The following MSN variants were observed in gnomAD, a reference collection of about 807,000 sequenced individuals.
MSN encodes moesin.
Under a neutral mutation model 48.0 loss-of-function variants are expected in MSN, and 2 were observed. The observed-to-expected ratio is 0.04, with a 90% CI of 0.02 to 0.13. MSN has a LOEUF of 0.13. MSN is among the 10% of genes least tolerant of loss of function. MSN has a pLI of 1.00. For missense variants in MSN, 267 were observed against 470.1 expected, an observed-to-expected ratio of 0.57 and a Z score of 3.99; for synonymous variants, 146 against 166.9, an observed-to-expected ratio of 0.87 and a Z score of 0.97.
intron 1 of MSN, among the ~76,000 whole-genome samples, chrX:65,692,683 T>C (rs1188188907): frequency 8.9e-6 from 1 of 111,824 alleles, no homozygotes; most frequent in East Asian, 2.8e-4. Context: ...TTTTTGTTTG[T>C]TTTGTTTTGT....
chrX:65,624,578 T>C (rs1413344585), intron 1 of MSN: 2 of 107,467 alleles, frequency 1.9e-5, no homozygotes, highest in Non-Finnish European at 3.8e-5. Context: ...GGTTTTTTTT[T>C]TTTTTCCTCA....
At chrX:65,685,587 AGTTTTTGTTTTT>A (rs1043136917) in intron 1 of MSN, among the ~76,000 whole-genome samples, 30 of 111,348 alleles carry the variant, frequency 2.7e-4, no homozygotes, top group Admixed American at 1.9e-4. Flanking sequence ...GCATCACTGA[AGTTTTTGTTTTT>A]GTTTTTGTTT....
chrX:65,614,895 C>T (rs1463678156), intron 1 of MSN, among the ~76,000 whole-genome samples: 2 of 78,524 alleles, frequency 2.5e-5, no homozygotes, highest in African/African-American at 9.6e-5. Flanking sequence ...TGATATTCCC[C>T]TTCCTGTGTC....
At chrX:65,620,868 C>CTTT (rs964757298) in intron 1 of MSN, among the ~76,000 whole-genome samples, 1 of 97,151 alleles carries the variant, frequency 1.0e-5, no homozygotes. Context: ...AAGATTTTCA[C>CTTT]TTTTTTTTTT....
intron 1 of MSN, among the ~76,000 whole-genome samples, chrX:65,660,599 G>A (rs867215257): frequency 1.0e-5 from 1 of 97,528 alleles, no homozygotes; most frequent in Admixed American, 1.2e-4. Context: ...ATGGAGTCTC[G>A]CTCTGTTGCC....
chrX:65,646,882 G>A (rs2070698318), intron 1 of MSN, among the ~76,000 whole-genome samples: 1 of 111,238 alleles, frequency 9.0e-6, no homozygotes, highest in Non-Finnish European at 1.9e-5. Flanking sequence ...GGGGAGCGGA[G>A]GTTGTGGTGA....
intron 1 of MSN, among the ~76,000 whole-genome samples, chrX:65,624,238 C>A (rs1267030302): frequency 9.2e-6 from 1 of 109,081 alleles, no homozygotes; most frequent in African/African-American, 3.4e-5. Flanking sequence ...ACCACCACAC[C>A]CGGCTAATTT....
intron 1 of MSN, among the ~76,000 whole-genome samples, chrX:65,611,865 C>T (rs73522155): frequency 0.067 from 7,527 of 111,581 alleles, 680 homozygotes; most frequent in African/African-American, 0.24. Context: ...TCTATATCCT[C>T]ACCAATACTC....
At chrX:65,610,846 C>T (rs757794143) in intron 1 of MSN, among the ~76,000 whole-genome samples, 3 of 112,116 alleles carry the variant, frequency 2.7e-5, no homozygotes, top group Non-Finnish European at 5.6e-5. Flanking sequence ...CACTGCACTC[C>T]AGTGTGGGTG....
At chrX:65,730,940 T>C (rs1251847344) in intron 4 of MSN, among the ~76,000 whole-genome samples, 167 bp from the exon 5 acceptor site, 2 of 112,332 alleles carry the variant, frequency 1.8e-5, no homozygotes, top group Admixed American at 1.9e-4. Flanking sequence ...TCCTTGTGTC[T>C]AGTTTAACAC....
intron 1 of MSN, among the ~76,000 whole-genome samples, chrX:65,697,736 C>G (rs1362419226): frequency 5.3e-5 from 6 of 112,412 alleles, no homozygotes; most frequent in Non-Finnish European, 9.4e-5. Context: ...GTTTGTTAAT[C>G]AAGGAAGAAC....
intron 1 of MSN, among the ~76,000 whole-genome samples, chrX:65,674,398 A>G (rs988564909): frequency 3.6e-5 from 4 of 111,789 alleles, no homozygotes; most frequent in Non-Finnish European, 7.5e-5. Context: ...GACTCCACCC[A>G]GAGAGCACAG....
chrX:65,736,356 G>A lies in MSN; in HGVS notation c.960-439G>A, dbSNP rs575383231. Among the ~76,000 whole-genome samples, 26 of 110,356 alleles carry A rather than the reference G, an allele frequency of 2.4e-4. No individual in the cohort carries two copies. The South Asian group carries it at 0.01, about 43-fold the overall frequency. ...CAAGGGTATAGAGGTAAGGGAGGGTGGCCCAAACTCACAATCCCTAAGTGT... is the reference window on the plus strand; with the variant it reads ...CAAGGGTATAGAGGTAAGGGAGGGTAGCCCAAACTCACAATCCCTAAGTGT... On this transcript the variant is annotated intron_variant, in intron 8 of 12. Coordinates refer to ENST00000360270, the MANE Select transcript of MSN (RefSeq NM_002444.3).
chrX:65,637,422 AAAAG>A (rs1175508751), intron 1 of MSN, among the ~76,000 whole-genome samples: 3 of 109,345 alleles, frequency 2.7e-5, no homozygotes, highest in African/African-American at 6.6e-5. Flanking sequence ...AAAAAAAAAG[AAAAG>A]AAAGAAAAGA....
intron 2 of MSN, among the ~76,000 whole-genome samples, chrX:65,720,991 A>G (rs1569466668): frequency 8.9e-6 from 1 of 111,989 alleles, no homozygotes. Context: ...ATCTTGGATT[A>G]CCTAGGTGCC....
rs752844911 is a variant in MSN at position 65,695,081 on chromosome X, CGTGTGT to C, written c.13-21713_13-21708del. On this transcript the variant is annotated intron_variant, in intron 1 of 12. Transcript: ENST00000360270. The stretch of plus-strand genomic sequence containing the variant: ...TCTTCTTTGTGTGTGTGTGTGTCTG[CGTGTGT>C]GTGTGTGTGTGTGTGTGTGTGTGGT... Among the ~76,000 whole-genome samples the C allele has an allele frequency of 4.7e-3, 472 of 99,885 alleles. 5 individuals carry two copies. Among genetic ancestry groups the C allele is most frequent in the African/African-American group, 0.016 (450 of 27,317 alleles). The allele number at this position is 99,885 out of a possible 115,157, so 86.7% of individuals were successfully genotyped here. A position where few individuals can be genotyped will look rare whatever the true frequency, so the allele number is the denominator to read the frequency against.
At chrX:65,621,039 C>T (rs913734878) in intron 1 of MSN, among the ~76,000 whole-genome samples, 2 of 109,570 alleles carry the variant, frequency 1.8e-5, no homozygotes, top group African/African-American at 6.7e-5. Context: ...CATTATCCTC[C>T]TGAGTAGCTG....
intron 1 of MSN, among the ~76,000 whole-genome samples, chrX:65,635,062 C>T (rs1040094920): frequency 8.9e-6 from 1 of 112,180 alleles, no homozygotes; most frequent in African/African-American, 3.2e-5. Flanking sequence ...TTCCTCTCTG[C>T]CTGTCTCTGA....
chrX:65,626,472 A>G (rs1331535900), intron 1 of MSN, among the ~76,000 whole-genome samples: 1 of 111,234 alleles, frequency 9.0e-6, no homozygotes, highest in Non-Finnish European at 1.9e-5. Flanking sequence ...TGTAGTCTGT[A>G]TGTTTAGTAA....
Sources: gnomAD v4.1 joint callset for allele counts (sites outside exome capture counted in the v4.1 genomes callset) on GRCh38, gnomAD v4.1.1 for gene constraint, MANE v1.5 for transcripts, NCBI Gene and HGNC (gene_info 2026-07-23, HGNC 2026-07-21) for gene names.